The following GPC5 variants were observed in gnomAD, a reference collection of about 807,000 sequenced individuals.
GPC5 encodes the protein glypican 5.
A neutral mutation model predicts 53.9 loss-of-function variants in GPC5; 47 were observed. The ratio of observed to expected loss-of-function variants is 0.87; its 90% CI spans 0.69 to 1.11. GPC5 has a LOEUF of 1.11. Among genes scored for constraint, GPC5 ranks in the 50% most tolerant of loss-of-function variants. GPC5 has a pLI of 0.00. For synonymous variants in GPC5, 286 were observed against 263.3 expected (o/e 1.09, Z -0.84); for missense variants, 748 against 713.1 (o/e 1.05, Z -0.56).
At chr13:92,840,427 T>G (rs573339508) in intron 7 of GPC5, among the ~76,000 whole-genome samples, 1 of 152,136 alleles carries the variant, frequency 6.6e-6, no homozygotes, top group African/African-American at 2.4e-5. Flanking sequence ...TACAGAAAGT[T>G]TCATTTCTCG....
chr13:91,404,296 G>A (rs1039744956), intron 1 of GPC5, among the ~76,000 whole-genome samples: 3 of 152,110 alleles, frequency 2.0e-5, no homozygotes, highest in Admixed American at 6.5e-5. Flanking sequence ...ATAGATGAAT[G>A]GTCTCTTGGT....
chr13:91,827,556 A>G (rs563362954), intron 5 of GPC5, among the ~76,000 whole-genome samples: 7 of 152,158 alleles, frequency 4.6e-5, no homozygotes, highest in African/African-American at 9.6e-5. Context: ...CAATTAGCAC[A>G]TACAGATTGC....
rs776191284 is a variant in GPC5, at chr13:91,542,253, A to G, written c.325+93331A>G. Among the ~76,000 whole-genome samples the G allele has an allele frequency of 1.5e-3, 224 of 152,238 alleles. 3 individuals carry two copies. Among genetic ancestry groups the G allele is most frequent in the Non-Finnish European group, 7.9e-4 (54 of 68,004 alleles). ...GGATATAGTCACAATTTCTCTCATA[A>G]TATTGCAACAAAATAATCCAGGCTT... On this transcript the variant is annotated intron_variant, in intron 2 of 7. Transcript: ENST00000377067.
intron 5 of GPC5, among the ~76,000 whole-genome samples, chr13:91,806,155 C>A (rs748714445): frequency 6.7e-6 from 1 of 148,912 alleles, no homozygotes; most frequent in Non-Finnish European, 1.5e-5. Flanking sequence ...CATACCTCAG[C>A]GTCCCGAGTG....
intron 2 of GPC5, among the ~76,000 whole-genome samples, chr13:91,465,930 A>G (rs531965995): frequency 3.3e-5 from 5 of 152,196 alleles, no homozygotes; most frequent in Admixed American, 6.5e-5. Flanking sequence ...CACAAGTTGA[A>G]TTAATCCAAA....
At chr13:91,810,128 G>C (rs1409324092) in intron 5 of GPC5, among the ~76,000 whole-genome samples, 1 of 151,932 alleles carries the variant, frequency 6.6e-6, no homozygotes, top group Non-Finnish European at 1.5e-5. Flanking sequence ...AACAAAATTA[G>C]TTTCAGAGAA....
chr13:91,499,055 T>G (rs1884474737), intron 2 of GPC5, among the ~76,000 whole-genome samples: 1 of 152,038 alleles, frequency 6.6e-6, no homozygotes, highest in East Asian at 1.9e-4. Context: ...TCCAGAGGAA[T>G]GAAAACAAAT....
intron 2 of GPC5, among the ~76,000 whole-genome samples, chr13:91,600,771 A>T (rs1328410332): frequency 6.6e-6 from 1 of 152,148 alleles, no homozygotes; most frequent in Non-Finnish European, 1.5e-5. Context: ...GGGCATAATT[A>T]TAGACTTCTA....
At chr13:92,601,802 G>A (rs1594337434) in intron 7 of GPC5, among the ~76,000 whole-genome samples, 1 of 151,808 alleles carries the variant, frequency 6.6e-6, no homozygotes, top group East Asian at 1.9e-4. Context: ...CTAAATTTGT[G>A]GAAGAGAAAT....
At chr13:92,844,950 A>G (rs1878563678) in intron 7 of GPC5, among the ~76,000 whole-genome samples, 1 of 152,082 alleles carries the variant, frequency 6.6e-6, no homozygotes, top group African/African-American at 2.4e-5. Context: ...TCACAGATAC[A>G]GTTGGAAGGA....
rs1505563 is a variant in GPC5, at chr13:91,810,182, G to A, written c.1280+53762G>A. On this transcript the variant is annotated intron_variant, in intron 5 of 7. Coordinates refer to ENST00000377067, the MANE Select transcript of GPC5 (RefSeq NM_004466.6). ...GAATACTAAAACTGGAGTTTCAAGT[G>A]TGTTAAATATGACCAGGCCCTAAGA... Among the ~76,000 whole-genome samples the A allele has an allele frequency of 1.1e-4, 17 of 152,038 alleles. No individual in the cohort carries two copies. The East Asian group carries it at 3.3e-3, about 29-fold the overall frequency.
At chr13:92,195,819 A>G (rs944235251) in intron 7 of GPC5, among the ~76,000 whole-genome samples, 1 of 152,186 alleles carries the variant, frequency 6.6e-6, no homozygotes, top group Non-Finnish European at 1.5e-5. Flanking sequence ...TTTGTCATTA[A>G]CTTTATCCCG....
At chr13:92,015,179 C>T (rs1035707538) in intron 6 of GPC5, among the ~76,000 whole-genome samples, 1 of 151,996 alleles carries the variant, frequency 6.6e-6, no homozygotes, top group African/African-American at 2.4e-5. Flanking sequence ...GCAGTAGAGG[C>T]CAAGGATATG....
chr13:92,411,219 G>A (rs570460978), intron 7 of GPC5, among the ~76,000 whole-genome samples: 23 of 152,198 alleles, frequency 1.5e-4, no homozygotes, highest in African/African-American at 5.1e-4. Context: ...GCAGTGAGCC[G>A]AGATCACGCC....
At chr13:92,540,676 A>C (rs558998155) in intron 7 of GPC5, among the ~76,000 whole-genome samples, 3 of 152,006 alleles carry the variant, frequency 2.0e-5, no homozygotes, top group African/African-American at 7.2e-5. Flanking sequence ...GTGGAAGAAA[A>C]CTTGAGTAGA....
At chr13:92,743,388 T>C (rs530526487) in intron 7 of GPC5, among the ~76,000 whole-genome samples, 1 of 152,274 alleles carries the variant, frequency 6.6e-6, no homozygotes, top group Admixed American at 6.5e-5. Context: ...TCTCTGTTTG[T>C]CTGTTATTGG....
At chr13:92,799,074 C>T (rs1267917936) in intron 7 of GPC5, among the ~76,000 whole-genome samples, 1 of 151,650 alleles carries the variant, frequency 6.6e-6, no homozygotes, top group Non-Finnish European at 1.5e-5. Flanking sequence ...TATGATCAGA[C>T]TGATTTTTTT....
intron 6 of GPC5, among the ~76,000 whole-genome samples, chr13:92,113,460 G>A (rs2041574416): frequency 6.6e-6 from 1 of 152,102 alleles, no homozygotes; most frequent in South Asian, 2.1e-4. Flanking sequence ...CATGTTTCAG[G>A]CTTGACTTTC....
At chr13:91,771,694 A>AT (rs560610401) in intron 5 of GPC5, among the ~76,000 whole-genome samples, 23 of 152,258 alleles carry the variant, frequency 1.5e-4, no homozygotes, top group Admixed American at 9.8e-4. Flanking sequence ...TGCTTCCGTA[A>AT]TTTTTTTACC....
Sources: gnomAD v4.1 joint callset for allele counts (sites outside exome capture counted in the v4.1 genomes callset) on GRCh38, gnomAD v4.1.1 for gene constraint, MANE v1.5 for transcripts, NCBI Gene and HGNC (gene_info 2026-07-23, HGNC 2026-07-21) for gene names.